Variants in TPTE2 observed in about 807,000 individuals in gnomAD.
TPTE2 encodes phosphatidylinositol 3,4,5-trisphosphate 3-phosphatase TPTE2.
In TPTE2, 53 loss-of-function variants were observed where a neutral mutation model predicts 78.6. That is an observed-to-expected ratio of 0.67 (90% CI 0.54 to 0.85). The LOEUF (loss-of-function observed/expected upper bound fraction) is 0.85. TPTE2 is among the 40% of genes least tolerant of loss of function. TPTE2 has a pLI of 0.00. For synonymous variants in TPTE2, 175 were observed against 206.2 expected, an observed-to-expected ratio of 0.85 and a Z score of 1.30; for missense variants, 461 against 623.0, an observed-to-expected ratio of 0.74 and a Z score of 2.77.
intron 1 of TPTE2, among the ~76,000 whole-genome samples, chr13:19,526,472 A>G (rs1299241104): frequency 6.7e-6 from 1 of 148,160 alleles, no homozygotes; most frequent in Non-Finnish European, 1.5e-5. Flanking sequence ...GGAACAGGAA[A>G]CCAAATACCT....
At chr13:19,447,329 A>G (rs1877906689) in intron 13 of TPTE2, among the ~76,000 whole-genome samples, 1 of 152,218 alleles carries the variant, frequency 6.6e-6, no homozygotes, top group Admixed American at 6.5e-5. Context: ...TCCTTCAAGC[A>G]AGGAATTAGC....
At chr13:19,450,667 C>T (rs1878118214) in intron 11 of TPTE2, among the ~76,000 whole-genome samples, 1 of 152,072 alleles carries the variant, frequency 6.6e-6, no homozygotes, top group East Asian at 1.9e-4. Context: ...AAAATGTTTG[C>T]CCCCTGAAAA....
upstream of TPTE2, among the ~76,000 whole-genome samples, chr13:19,506,641 T>C (rs1331896812): frequency 1.3e-5 from 2 of 152,210 alleles, no homozygotes; most frequent in East Asian, 1.9e-4. Context: ...GACATGAGTC[T>C]ACCTGCCAAG....
chr13:19,553,994 C>A, the TPTE2 span, among the ~76,000 whole-genome samples: 1 of 152,168 alleles, frequency 6.6e-6, no homozygotes, highest in Admixed American at 6.5e-5. Flanking sequence ...CCCTTGGCTA[C>A]CTTTTTCCCT....
the TPTE2 span, among the ~76,000 whole-genome samples, chr13:19,544,665 G>A: frequency 6.6e-6 from 1 of 152,158 alleles, no homozygotes; most frequent in Non-Finnish European, 1.5e-5. Flanking sequence ...GGAGGCCAAG[G>A]CAGGTAGACT....
intron 17 of TPTE2, among the ~76,000 whole-genome samples, chr13:19,429,600 C>T (rs1037576011): frequency 2.0e-5 from 3 of 152,182 alleles, no homozygotes; most frequent in African/African-American, 7.2e-5. Context: ...ATGGGTCATT[C>T]TTTAAGAATA....
At chr13:19,442,491 G>A (rs1877563386) in intron 13 of TPTE2, among the ~76,000 whole-genome samples, 2 of 152,082 alleles carry the variant, frequency 1.3e-5, no homozygotes, top group South Asian at 4.2e-4. Flanking sequence ...AACACTCTAA[G>A]AATTATCCAT....
chr13:19,538,586 T>A (rs1871342682), upstream of TPTE2, among the ~76,000 whole-genome samples: 1 of 151,872 alleles, frequency 6.6e-6, no homozygotes, highest in South Asian at 2.1e-4. Flanking sequence ...TGGAGTGCAG[T>A]GGCGCGATCT....
intron 13 of TPTE2, among the ~76,000 whole-genome samples, chr13:19,439,051 T>C (rs1434373275): frequency 1.3e-5 from 2 of 152,170 alleles, no homozygotes; most frequent in Admixed American, 6.5e-5. Context: ...GCCGGCATTT[T>C]CCCAAACCTG....
chr13:19,544,379 G>C, the TPTE2 span, among the ~76,000 whole-genome samples: 2 of 151,392 alleles, frequency 1.3e-5, no homozygotes, highest in African/African-American at 4.9e-5. Flanking sequence ...TGCTCCAGGA[G>C]GTCAGAATGA....
chr13:19,495,003 C>G (rs2137646436), intron 1 of TPTE2, among the ~76,000 whole-genome samples: 1 of 152,086 alleles, frequency 6.6e-6, no homozygotes, highest in Non-Finnish European at 1.5e-5. Context: ...CATAGTGATG[C>G]ATCCAGATTA....
At chr13:19,474,819 C>G (rs1330098609) in intron 5 of TPTE2, among the ~76,000 whole-genome samples, 2 of 152,144 alleles carry the variant, frequency 1.3e-5, no homozygotes, top group Admixed American at 1.3e-4. Context: ...TTGCATAAAT[C>G]TATATCATAG....
the TPTE2 span, among the ~76,000 whole-genome samples, chr13:19,558,857 C>T: frequency 1.3e-5 from 2 of 152,152 alleles, no homozygotes; most frequent in African/African-American, 4.8e-5. Flanking sequence ...GGTTAACTAA[C>T]ATATTAAGTA....
At chr13:19,448,436 T>A (rs1877973598) in intron 13 of TPTE2, among the ~76,000 whole-genome samples, 1 of 151,834 alleles carries the variant, frequency 6.6e-6, no homozygotes, top group Admixed American at 6.6e-5. Flanking sequence ...CGATAATAGG[T>A]TAACAGATTT....
chr13:19,491,098 A>C (rs1428674880), intron 3 of TPTE2, among the ~76,000 whole-genome samples: 1 of 152,216 alleles, frequency 6.6e-6, no homozygotes, highest in Non-Finnish European at 1.5e-5. Flanking sequence ...ATTGTTATGG[A>C]TGCTCCATAC....
intron 1 of TPTE2, among the ~76,000 whole-genome samples, chr13:19,511,657 C>T (rs1869450722): frequency 6.6e-6 from 1 of 152,088 alleles, no homozygotes; most frequent in Admixed American, 6.6e-5. Flanking sequence ...GCCAAAGGAA[C>T]ACAGGGGCTA....
chr13:19,507,378 A>T (rs1367492944), upstream of TPTE2, among the ~76,000 whole-genome samples: 1 of 150,966 alleles, frequency 6.6e-6, no homozygotes, highest in African/African-American at 2.4e-5. Context: ...GCCTGTCTCC[A>T]TAGACAACAA....
At chr13:19,526,820 C>G (rs926570864) in intron 1 of TPTE2, among the ~76,000 whole-genome samples, 1 of 152,028 alleles carries the variant, frequency 6.6e-6, no homozygotes, top group Non-Finnish European at 1.5e-5. Context: ...AGTCATGAAC[C>G]AACTGAATTA....
the TPTE2 span, among the ~76,000 whole-genome samples, chr13:19,549,651 G>A: frequency 2.5e-5 from 2 of 81,582 alleles, no homozygotes; most frequent in African/African-American, 5.5e-5. Context: ...TCCATTACTG[G>A]GTATATGCCC....
Sources: allele counts gnomAD v4.1 joint callset (sites outside exome capture counted in the v4.1 genomes callset), GRCh38; gene constraint gnomAD v4.1.1; transcripts MANE v1.5; gene names NCBI Gene and HGNC (gene_info 2026-07-23, HGNC 2026-07-21).